AKR1C8: variants seen among roughly 807,000 people sequenced by gnomAD.
AKR1C8 encodes aldo-keto reductase family 1 member C8, also known as aldo-keto reductase family 1 member C-like protein 1.
At chr10:5,134,582 T>G in the AKR1C8 span, among the ~76,000 whole-genome samples, 2 of 152,178 alleles carry the variant, frequency 1.3e-5, no homozygotes, top group Non-Finnish European at 1.5e-5. Flanking sequence ...TATTTTTCCT[T>G]TTAATTTTCC....
the AKR1C8 span, among the ~76,000 whole-genome samples, chr10:5,158,016 G>A: frequency 6.6e-6 from 1 of 152,278 alleles, no homozygotes; most frequent in East Asian, 1.9e-4. Flanking sequence ...GGATAAACAA[G>A]TTATCCATAC....
At chr10:5,159,205 C>T in the AKR1C8 span, among the ~76,000 whole-genome samples, 21 of 152,096 alleles carry the variant, frequency 1.4e-4, no homozygotes, top group South Asian at 1.2e-3. Context: ...TGGAAAATGA[C>T]GTATTGGCTA....
At chr10:5,153,048 T>A in the AKR1C8 span, among the ~76,000 whole-genome samples, 1 of 152,274 alleles carries the variant, frequency 6.6e-6, no homozygotes. Context: ...TGCAGAAGGA[T>A]CTCCCTACAA....
chr10:5,172,882 G>A, the AKR1C8 span, among the ~76,000 whole-genome samples: 1 of 152,140 alleles, frequency 6.6e-6, no homozygotes. Flanking sequence ...AGAAGATCTA[G>A]TAGTTATAAG....
the AKR1C8 span, among the ~76,000 whole-genome samples, chr10:5,164,115 C>T: frequency 6.6e-6 from 1 of 152,104 alleles, no homozygotes; most frequent in Non-Finnish European, 1.5e-5. Context: ...GGCCAAGGTC[C>T]TTGGTCAAGC....
At chr10:5,153,207 A>G in the AKR1C8 span, among the ~76,000 whole-genome samples, 1 of 150,822 alleles carries the variant, frequency 6.6e-6, no homozygotes, top group East Asian at 1.9e-4. Flanking sequence ...AACGTGTGGC[A>G]TACAATGGAT....
chr10:5,177,965 G>T, the AKR1C8 span, among the ~76,000 whole-genome samples: 1,258 of 152,130 alleles, frequency 8.3e-3, 13 homozygotes, highest in African/African-American at 0.029. Context: ...AGGGTTTTTT[G>T]TGTCTCTATT....
chr10:5,174,915 A>C, the AKR1C8 span, among the ~76,000 whole-genome samples: 1 of 152,132 alleles, frequency 6.6e-6, no homozygotes, highest in Admixed American at 6.6e-5. Context: ...AAATTAAAAA[A>C]TATTACATGT....
chr10:5,133,390 G>A, the AKR1C8 span, among the ~76,000 whole-genome samples: 1 of 152,162 alleles, frequency 6.6e-6, no homozygotes, highest in African/African-American at 2.4e-5. Context: ...ACTGCAGGAA[G>A]CCTCCTAATT....
At chr10:5,127,596 G>A in the AKR1C8 span, among the ~76,000 whole-genome samples, 6 of 144,886 alleles carry the variant, frequency 4.1e-5, no homozygotes, top group African/African-American at 1.5e-4. Flanking sequence ...GCATGTGCCT[G>A]TAATCCCAGC....
chr10:5,172,974 AG>A, the AKR1C8 span, among the ~76,000 whole-genome samples: 1 of 152,142 alleles, frequency 6.6e-6, no homozygotes, highest in East Asian at 1.9e-4. Context: ...AACAATTTTT[AG>A]GGCCTAATAA....
the AKR1C8 span, among the ~76,000 whole-genome samples, chr10:5,165,920 T>A: frequency 6.6e-6 from 1 of 152,054 alleles, no homozygotes; most frequent in Non-Finnish European, 1.5e-5. Flanking sequence ...TCCTAACGAC[T>A]AACTTGTTCA....
At chr10:5,137,389 A>T in the AKR1C8 span, among the ~76,000 whole-genome samples, 3 of 152,202 alleles carry the variant, frequency 2.0e-5, no homozygotes, top group African/African-American at 7.2e-5. Context: ...CACATCAAAA[A>T]GCTTATCCAC....
At chr10:5,153,098 C>T in the AKR1C8 span, among the ~76,000 whole-genome samples, 2 of 152,172 alleles carry the variant, frequency 1.3e-5, no homozygotes, top group African/African-American at 2.4e-5. Context: ...TTATATGTTT[C>T]TTGCATTCAT....
chr10:5,148,659 T>C, the AKR1C8 span, among the ~76,000 whole-genome samples: 42,393 of 151,906 alleles, frequency 0.28, 6,769 homozygotes, highest in Non-Finnish European at 0.36. Context: ...AGGGAAAAAA[T>C]TGTGCATTTG....
At chr10:5,162,942 A>G in the AKR1C8 span, 13 of 534,654 alleles carry the variant, frequency 2.4e-5, no homozygotes, top group African/African-American at 1.9e-4. Context: ...TCATTTTGGT[A>G]TAAGTATGCT....
At chr10:5,129,516 G>C in the AKR1C8 span, among the ~76,000 whole-genome samples, 6 of 152,006 alleles carry the variant, frequency 3.9e-5, no homozygotes, top group Non-Finnish European at 8.8e-5. Flanking sequence ...AAACTTGATA[G>C]ACCATTAGTG....
At chr10:5,155,602 G>A in the AKR1C8 span, 2 of 385,038 alleles carry the variant, frequency 5.2e-6, no homozygotes, top group Admixed American at 3.0e-5. Context: ...TCCTGATGTA[G>A]GGAAGATGTG....
the AKR1C8 span, among the ~76,000 whole-genome samples, chr10:5,153,281 C>A: frequency 6.6e-6 from 1 of 151,772 alleles, no homozygotes; most frequent in African/African-American, 2.4e-5. Context: ...ATAAAAATGC[C>A]GAAATGTGGG....
Sources: gnomAD v4.1 joint callset for allele counts (sites outside exome capture counted in the v4.1 genomes callset) on GRCh38, gnomAD v4.1.1 for gene constraint, MANE v1.5 for transcripts, NCBI Gene and HGNC (gene_info 2026-07-23, HGNC 2026-07-21) for gene names.